The following ENTPD1 variants were observed in gnomAD, a reference collection of about 807,000 sequenced individuals.
The protein encoded by ENTPD1 is ectonucleoside triphosphate diphosphohydrolase 1.
Under a neutral mutation model 57.0 loss-of-function variants are expected in ENTPD1, and 33 were observed. The observed-to-expected ratio is 0.58, with a 90% CI of 0.44 to 0.77. The LOEUF is 0.77. Ranked by LOEUF, ENTPD1 falls within the 30% of genes least tolerant of loss-of-function variation. The pLI is 0.00. For synonymous variants in ENTPD1, 202 were observed against 218.8 expected, an observed-to-expected ratio of 0.92 and a Z score of 0.68; for missense variants, 501 against 603.4, an observed-to-expected ratio of 0.83 and a Z score of 1.78.
chr10:95,695,757 T>C, the ENTPD1 span, among the ~76,000 whole-genome samples: 1 of 152,334 alleles, frequency 6.6e-6, no homozygotes, highest in African/African-American at 2.4e-5. Context: ...TTTGTCTGTT[T>C]TGTTCATTGA....
At chr10:95,824,454 C>T (rs1371040344) in intron 2 of ENTPD1, among the ~76,000 whole-genome samples, 1 of 152,184 alleles carries the variant, frequency 6.6e-6, no homozygotes, top group African/African-American at 2.4e-5. Flanking sequence ...CAAGTTCAAC[C>T]CAGTGGTGCT....
intron 7 of ENTPD1, among the ~76,000 whole-genome samples, chr10:95,850,895 T>G (rs1479927384): frequency 1.3e-5 from 2 of 152,196 alleles, no homozygotes; most frequent in Non-Finnish European, 2.9e-5. Context: ...GAGAATTTGT[T>G]GGGGAGGGAG....
chr10:95,745,422 C>T (rs2098004986), intron 1 of ENTPD1, among the ~76,000 whole-genome samples: 2 of 152,106 alleles, frequency 1.3e-5, no homozygotes, highest in African/African-American at 4.8e-5. Flanking sequence ...TCAAGCAATC[C>T]TCCTGAATTG....
chr10:95,767,524 CT>C (rs1185137925), intron 1 of ENTPD1, among the ~76,000 whole-genome samples: 4 of 151,934 alleles, frequency 2.6e-5, no homozygotes, highest in African/African-American at 9.6e-5. Context: ...ATGTTAGTCA[CT>C]TATTTCACAG....
chr10:95,755,784 A>G, upstream of ENTPD1: 1 of 1,531,330 alleles, frequency 6.5e-7, no homozygotes, highest in Non-Finnish European at 8.8e-7. Context: ...CTTTCTTATT[A>G]TCTAGCTTCA....
At chr10:95,742,166 T>G (rs2098001015) in intron 1 of ENTPD1, among the ~76,000 whole-genome samples, 1 of 152,358 alleles carries the variant, frequency 6.6e-6, no homozygotes, top group African/African-American at 2.4e-5. Flanking sequence ...GGTCCAGAAG[T>G]AGAAGACAGA....
chr10:95,775,165 G>T (rs556814538), intron 1 of ENTPD1, among the ~76,000 whole-genome samples: 1 of 152,096 alleles, frequency 6.6e-6, no homozygotes, highest in African/African-American at 2.4e-5. Context: ...TGTGATTTTC[G>T]CATATTAATT....
chr10:95,789,789 G>A (rs1252698670), intron 1 of ENTPD1, among the ~76,000 whole-genome samples: 29 of 152,146 alleles, frequency 1.9e-4, no homozygotes, highest in Admixed American at 1.7e-3. Flanking sequence ...ATATAAAGAT[G>A]CAGTATTAAG....
chr10:95,783,866 G>A (rs2098167375), intron 1 of ENTPD1, among the ~76,000 whole-genome samples: 1 of 152,128 alleles, frequency 6.6e-6, no homozygotes, highest in Non-Finnish European at 1.5e-5. Context: ...TCAGCTTCTA[G>A]TTACTACTGA....
chr10:95,876,416 TCTC>T lies in ENTPD1; in HGVS notation c.*10037_*10039del. On this transcript the variant is annotated 3_prime_UTR_variant, in exon 10 of 10. Coordinates refer to ENST00000371205, the MANE Select transcript of ENTPD1 (RefSeq NM_001776.6). Reference sequence around the variant, plus strand: ...TGATGGTAAATCATAATGTTCCCTTTCTCCTCGGTTCTGCAATCTATAGGCATA... The same window carrying T: ...TGATGGTAAATCATAATGTTCCCTTTCTCGGTTCTGCAATCTATAGGCATA... 8.1e-7 allele frequency: 1 copy of T among 1,231,364 alleles called. No homozygotes were observed. Among genetic ancestry groups the T allele is most frequent in the Non-Finnish European group, 1.0e-6 (1 of 987,718 alleles). 76.3% of individuals were successfully genotyped at this position (1,231,364 alleles called of 1,614,324 possible). A position where few individuals can be genotyped will look rare whatever the true frequency, so the allele number is the denominator to read the frequency against.
rs1310469436 is a variant in ENTPD1 at position 95,860,571 on chromosome 10, C to A, written c.1177C>A (p.Pro393Thr). 6.2e-7 allele frequency: 1 copy of A among 1,613,464 alleles called. No homozygotes were observed. Among genetic ancestry groups the A allele is most frequent in the South Asian group, 1.1e-5 (1 of 91,052 alleles). Reference protein sequence around the residue: ...TEMMKKFCAQPWEEIKTSYAG... With the variant: ...TEMMKKFCAQTWEEIKTSYAG... Reference sequence around the variant, plus strand: ...GATGATGAAAAAGTTCTGTGCTCAGCCTTGGGAGGAGGTAAGTGACTAGGC... The same window carrying A: ...GATGATGAAAAAGTTCTGTGCTCAGACTTGGGAGGAGGTAAGTGACTAGGC... The change falls in exon 8 of 10, where the codon CCT becomes ACT. Residue 393 changes from proline (P) to threonine (T), a missense_variant. Coordinates refer to ENST00000371205, the MANE Select transcript of ENTPD1 (RefSeq NM_001776.6).
chr10:95,697,993 G>A, the ENTPD1 span, among the ~76,000 whole-genome samples: 1 of 152,134 alleles, frequency 6.6e-6, no homozygotes, highest in Non-Finnish European at 1.5e-5. Flanking sequence ...AGTATTAAGG[G>A]TGATTCTGGC....
rs1315042654 is a variant in ENTPD1, at chr10:95,874,811, AC to A, written c.*8431del. On this transcript the variant is annotated 3_prime_UTR_variant, in exon 10 of 10. Coordinates refer to ENST00000371205, the MANE Select transcript of ENTPD1 (RefSeq NM_001776.6). ...AAATCTCAATTCTTGACATCTCTGCACCCACAGGCTCAACATCACATGGAAG... is the reference window on the plus strand; with the variant it reads ...AAATCTCAATTCTTGACATCTCTGCACCACAGGCTCAACATCACATGGAAG... Among the ~76,000 whole-genome samples, 1 of 152,242 alleles carries A rather than the reference AC, an allele frequency of 6.6e-6. No individual in the cohort carries two copies. The highest frequency in any genetic ancestry group is 1.9e-4 in the East Asian group (1 of 5,200).
upstream of ENTPD1, chr10:95,755,654 T>G: frequency 6.5e-7 from 1 of 1,533,724 alleles, no homozygotes; most frequent in Non-Finnish European, 8.7e-7. Flanking sequence ...TTGGGTCACC[T>G]GTTGCTCTTT....
At chr10:95,714,557 A>G (rs538030879) in intron 1 of ENTPD1, among the ~76,000 whole-genome samples, 6 of 152,260 alleles carry the variant, frequency 3.9e-5, no homozygotes, top group African/African-American at 1.4e-4. Context: ...TAAAGAAGCT[A>G]ATTTTTTCCT....
intron 1 of ENTPD1, among the ~76,000 whole-genome samples, chr10:95,760,027 C>T (rs1374489391): frequency 1.3e-5 from 2 of 152,124 alleles, no homozygotes; most frequent in Non-Finnish European, 2.9e-5. Flanking sequence ...CAGTGGTGCA[C>T]GCTTGTAGTT....
Position 95,763,367 on chromosome 10 carries a change from T to G in ENTPD1, c.16+7112T>G, listed in dbSNP as rs564980358. On this transcript the variant is annotated intron_variant, in intron 1 of 9. Transcript: ENST00000371205. ...ATTACTTCTAAAAGATTGTAAATGA[T>G]TTTTATTTTTGTTTGCCATTATAAT... Among the ~76,000 whole-genome samples, 40 of 152,330 alleles carry G rather than the reference T, an allele frequency of 2.6e-4. 1 individual carries two copies. Among genetic ancestry groups the G allele is most frequent in the Admixed American group, 2.4e-3 (37 of 15,302 alleles).
At chr10:95,842,312 A>T (rs550228058) in intron 3 of ENTPD1, 32 bp from the exon 4 acceptor site, 38 of 1,583,740 alleles carry the variant, frequency 2.4e-5, no homozygotes, top group Middle Eastern at 1.7e-4. Flanking sequence ...ATTTTTTTTT[A>T]AAAGATTGTT....
At chr10:95,765,496 A>G (rs1453139249) in intron 1 of ENTPD1, among the ~76,000 whole-genome samples, 1 of 152,176 alleles carries the variant, frequency 6.6e-6, no homozygotes, top group East Asian at 1.9e-4. Context: ...TCAATTTCCC[A>G]TAAGTGTGAG....
Sources: allele counts gnomAD v4.1 joint callset (sites outside exome capture counted in the v4.1 genomes callset), GRCh38; gene constraint gnomAD v4.1.1; transcripts MANE v1.5; gene names NCBI Gene and HGNC (gene_info 2026-07-23, HGNC 2026-07-21).